IFRD1: variants seen among roughly 807,000 people sequenced by gnomAD.
IFRD1 encodes interferon related developmental regulator 1.
In IFRD1, 35 loss-of-function variants were observed where a neutral mutation model predicts 52.9. The ratio of observed to expected loss-of-function variants is 0.66; its 90% CI spans 0.51 to 0.88. IFRD1 has a LOEUF of 0.88. Ranked by LOEUF, IFRD1 falls within the 40% of genes least tolerant of loss-of-function variation. IFRD1 has a pLI of 0.00. For synonymous variants in IFRD1, 184 were observed against 188.4 expected (o/e 0.98, Z 0.19); for missense variants, 517 against 550.8 (o/e 0.94, Z 0.61).
intron 1 of IFRD1, among the ~76,000 whole-genome samples, chr7:112,431,840 A>G (rs1205042038): frequency 1.3e-5 from 2 of 152,224 alleles, no homozygotes; most frequent in African/African-American, 4.8e-5. Flanking sequence ...CAGTCATCTG[A>G]GGCCTCAATT....
intron 1 of IFRD1, among the ~76,000 whole-genome samples, chr7:112,425,225 T>C (rs1794402345): frequency 6.6e-6 from 1 of 152,214 alleles, no homozygotes; most frequent in Non-Finnish European, 1.5e-5. Flanking sequence ...CTCAGTGTGA[T>C]GGTGAATTTT....
intron 3 of IFRD1, among the ~76,000 whole-genome samples, chr7:112,456,709 A>G (rs1795301618): frequency 6.6e-6 from 1 of 152,250 alleles, no homozygotes; most frequent in African/African-American, 2.4e-5. Flanking sequence ...ATGCCATGAT[A>G]TAAAGCAGCC....
At chr7:112,425,793 TC>T (rs1199006100) in intron 1 of IFRD1, among the ~76,000 whole-genome samples, 1 of 152,164 alleles carries the variant, frequency 6.6e-6, no homozygotes, top group African/African-American at 2.4e-5. Flanking sequence ...CACTACTCCT[TC>T]AAGAAAAACA....
At chr7:112,462,400 G>A (rs1795464218) in intron 8 of IFRD1, 22 bp downstream of exon 8, 1 of 1,512,544 alleles carries the variant, frequency 6.6e-7, no homozygotes, top group Admixed American at 1.7e-5. Context: ...ACTGGCAGAG[G>A]AAAAAGCTTG....
intron 1 of IFRD1, among the ~76,000 whole-genome samples, chr7:112,455,279 C>T (rs534348665): frequency 7.2e-5 from 11 of 152,074 alleles, no homozygotes; most frequent in East Asian, 3.9e-4. Context: ...GTCAGGAGTT[C>T]GAGACCAGCC....
intron 1 of IFRD1, among the ~76,000 whole-genome samples, chr7:112,425,163 C>G (rs1794401561): frequency 6.6e-6 from 1 of 152,192 alleles, no homozygotes; most frequent in African/African-American, 2.4e-5. Context: ...GGCACCATGC[C>G]TAGCCAAATG....
At chr7:112,425,799 A>G (rs1794416322) in intron 1 of IFRD1, among the ~76,000 whole-genome samples, 2 of 152,166 alleles carry the variant, frequency 1.3e-5, no homozygotes, top group African/African-American at 2.4e-5. Context: ...TCCTTCAAGA[A>G]AAACAAAACA....
At chr7:112,470,062 G>A (rs999859199) in intron 9 of IFRD1, among the ~76,000 whole-genome samples, 2 of 151,976 alleles carry the variant, frequency 1.3e-5, no homozygotes, top group African/African-American at 4.8e-5. Context: ...CTTAGTTGTG[G>A]TAGTGGCTGC....
At position 112,457,090 on chromosome 7, in the gene IFRD1, A is replaced by G. The variant is rs570970894; in HGVS notation, c.409+52A>G. ...ACGTACAACTAATAAGGAGTGTGTTATCTTCTTTTCAGTAACATTTAGTAA... is the reference window on the plus strand; with the variant it reads ...ACGTACAACTAATAAGGAGTGTGTTGTCTTCTTTTCAGTAACATTTAGTAA... On this transcript the variant is annotated intron_variant, in intron 4 of 11. Coordinates refer to ENST00000403825, the MANE Select transcript of IFRD1 (RefSeq NM_001550.4). The G allele has an allele frequency of 6.3e-6, 10 of 1,589,626 alleles. No homozygotes were observed. In the East Asian group the frequency reaches 6.7e-5, roughly 11 times the overall value.
At chr7:112,463,953 C>T (rs929983462) in intron 8 of IFRD1, among the ~76,000 whole-genome samples, 5 of 150,670 alleles carry the variant, frequency 3.3e-5, no homozygotes, top group African/African-American at 1.2e-4. Flanking sequence ...AGAACTCATC[C>T]AGACATATTT....
chr7:112,447,964 T>C (rs1458281590), upstream of IFRD1, among the ~76,000 whole-genome samples: 1 of 152,098 alleles, frequency 6.6e-6, no homozygotes, highest in Admixed American at 6.5e-5. Context: ...ATACATAAGT[T>C]TCTCCCTTTC....
At chr7:112,455,495 AAAAC>A (rs909466138) in intron 1 of IFRD1, among the ~76,000 whole-genome samples, 3 of 102,544 alleles carry the variant, frequency 2.9e-5, no homozygotes, top group East Asian at 1.7e-3. Flanking sequence ...AAAAACAAAA[AAAAC>A]AAAACAAAAC....
Position 112,431,544 on chromosome 7 carries a change from C to T in IFRD1, c.-182+8112C>T, listed in dbSNP as rs570471814. ...AGACTCACAGCCGCAGTTCACCCTC[C>T]CACCACCTATTCCTTATATCTATGC... On this transcript the variant is annotated intron_variant, in intron 1 of 12. Coordinates refer to the IFRD1 transcript ENST00000005558. Among the ~76,000 whole-genome samples the T allele has an allele frequency of 2.0e-5, 3 of 152,284 alleles. No individual in the cohort carries two copies. In the South Asian group the frequency reaches 6.2e-4, roughly 32 times the overall value.
At position 112,458,949 on chromosome 7, in the gene IFRD1, G is replaced by A. The variant is rs753296859; in HGVS notation, c.498G>A (p.Leu166=). The A allele has an allele frequency of 3.1e-5, 50 of 1,613,628 alleles. No individual in the cohort carries two copies. Among genetic ancestry groups the A allele is most frequent in the Non-Finnish European group, 4.1e-5 (48 of 1,179,730 alleles). ...CTGGAATTGAAAGTGAAGAGATTTT[G>A]AAAACTCTTGGACCAATCCTAAAGA... is the stretch of plus-strand genomic sequence containing the variant. ...LGPGIESEEI[L]KTLGPILKKI... Residue 166 remains leucine, a synonymous_variant, in exon 5 of 12, where the codon TTG becomes TTA. Coordinates refer to ENST00000403825, the MANE Select transcript of IFRD1 (RefSeq NM_001550.4).
chr7:112,462,072 T>C lies in IFRD1; in HGVS notation c.690T>C (p.Thr230=). 6.2e-7 allele frequency: 1 copy of C among 1,613,380 alleles called. No individual in the cohort carries two copies. Among genetic ancestry groups the C allele is most frequent in the Non-Finnish European group, 8.5e-7 (1 of 1,179,534 alleles). The part of the protein sequence containing the change: ...TKSYLKEKDT[T]VICSTPNTVL... Reference sequence around the variant, plus strand: ...CCTATCTCAAAGAGAAAGACACTACTGTTATTTGCAGCACTCCTAATACAG... The same window carrying C: ...CCTATCTCAAAGAGAAAGACACTACCGTTATTTGCAGCACTCCTAATACAG... Residue 230 remains threonine (T), a synonymous_variant, in exon 7 of 12, where the codon ACT becomes ACC. Coordinates refer to ENST00000403825, the MANE Select transcript of IFRD1 (RefSeq NM_001550.4).
At chr7:112,450,004 AAGG>A (rs1454031875), upstream of IFRD1, 1 of 153,346 alleles carries the variant, frequency 6.5e-6, no homozygotes, top group Non-Finnish European at 1.5e-5. Context: ...GGGAAAGGTT[AAGG>A]AGAACACCAG....
intron 2 of IFRD1, 44 bp downstream of exon 2, chr7:112,455,911 T>A (rs1257248356): frequency 4.0e-6 from 6 of 1,490,804 alleles, no homozygotes; most frequent in Admixed American, 1.7e-5. Context: ...ATAAAATGTT[T>A]CAGGTGGAGG....
chr7:112,463,398 A>G (rs1000137721), intron 8 of IFRD1, among the ~76,000 whole-genome samples: 4 of 152,172 alleles, frequency 2.6e-5, no homozygotes, highest in Non-Finnish European at 5.9e-5. Context: ...TCTGCCATGT[A>G]TAGTCATTCA....
intron 1 of IFRD1, chr7:112,451,151 G>C: frequency 4.4e-6 from 1 of 228,134 alleles, no homozygotes; most frequent in South Asian, 5.1e-5. Context: ...GGGGAAGAAC[G>C]GGGAGTTGAG....
Sources: allele counts gnomAD v4.1 joint callset (sites outside exome capture counted in the v4.1 genomes callset), GRCh38; gene constraint gnomAD v4.1.1; transcripts MANE v1.5; gene names NCBI Gene and HGNC (gene_info 2026-07-23, HGNC 2026-07-21).